Variants in CHPT1 observed in about 807,000 individuals in gnomAD.
CHPT1 encodes the protein cholinephosphotransferase 1.
Under a neutral mutation model 47.6 loss-of-function variants are expected in CHPT1, and 36 were observed. That is an observed-to-expected ratio of 0.76 (90% CI 0.58 to 1.00). The LOEUF (loss-of-function observed/expected upper bound fraction) is 1.00. CHPT1 is among the 50% of genes least tolerant of loss of function. The pLI is 0.00. For missense variants in CHPT1, 458 were observed against 498.1 expected (o/e 0.92, Z 0.77); for synonymous variants, 194 against 186.3 (o/e 1.04, Z -0.33).
intron 3 of CHPT1, 36 bp from the exon 4 acceptor site, chr12:101,716,692 C>T: frequency 1.4e-6 from 2 of 1,383,668 alleles, no homozygotes; most frequent in Non-Finnish European, 2.0e-6. Flanking sequence ...ATTTTATTTA[C>T]AAACACCTTA....
At chr12:101,701,847 T>A (rs569527126) in intron 1 of CHPT1, among the ~76,000 whole-genome samples, 1 of 152,362 alleles carries the variant, frequency 6.6e-6, no homozygotes, top group Non-Finnish European at 1.5e-5. Flanking sequence ...CACAATGTGA[T>A]GTCAAGAGAT....
chr12:101,723,332 A>G lies in CHPT1; in HGVS notation c.939+6A>G. 6.6e-7 allele frequency: 1 copy of G among 1,514,648 alleles called. No homozygotes were observed. The highest frequency in any genetic ancestry group is 9.0e-7 in the Non-Finnish European group (1 of 1,106,284). The allele number at this position is 1,514,648 out of a possible 1,614,324, so 93.8% of individuals were successfully genotyped here. A position where few individuals can be genotyped will look rare whatever the true frequency, so the allele number is the denominator to read the frequency against. ...AAGTCTCACAAAAATTAGTGGTAAGAAATTTTTATTATTCATGATATAAAT... is the reference window on the plus strand; with the variant it reads ...AAGTCTCACAAAAATTAGTGGTAAGGAATTTTTATTATTCATGATATAAAT... On this transcript the variant is annotated splice_donor_region_variant and intron_variant, in intron 6 of 8. Transcript: ENST00000229266.
intron 1 of CHPT1, among the ~76,000 whole-genome samples, chr12:101,702,163 C>T (rs1323930416): frequency 1.3e-5 from 2 of 152,216 alleles, no homozygotes; most frequent in Admixed American, 1.3e-4. Flanking sequence ...TGATTTGAAT[C>T]TAGTTCTTCT....
intron 1 of CHPT1, among the ~76,000 whole-genome samples, chr12:101,709,934 C>A (rs1310342918): frequency 6.7e-6 from 1 of 148,900 alleles, no homozygotes; most frequent in Non-Finnish European, 1.5e-5. Context: ...TAAGTGCTTG[C>A]CTTGATGTAA....
chr12:101,698,181 C>A, intron 1 of CHPT1, 47 bp downstream of exon 1: 1 of 1,378,378 alleles, frequency 7.3e-7, no homozygotes, highest in Non-Finnish European at 9.4e-7. Context: ...GCGCTGCGGG[C>A]GGGTCGCTGG....
chr12:101,706,636 G>A (rs1488868877), intron 1 of CHPT1, among the ~76,000 whole-genome samples: 1 of 152,084 alleles, frequency 6.6e-6, no homozygotes, highest in African/African-American at 2.4e-5. Context: ...GGGCTTCCCA[G>A]GCTCCAGAAC....
At chr12:101,727,289 TAA>T (rs1020676929) in intron 8 of CHPT1, 1 of 152,116 alleles carries the variant, frequency 6.6e-6, no homozygotes, top group Admixed American at 6.5e-5. Context: ...ATAAAATAAG[TAA>T]AAGTTATTCA....
rs755474481 is a variant in CHPT1, at chr12:101,714,559, G to T, written c.477G>T (p.Trp159Cys). 5.0e-6 allele frequency: 8 copies of T among 1,610,754 alleles called. No homozygotes were observed. Among genetic ancestry groups the T allele is most frequent in the South Asian group, 3.3e-5 (3 of 90,726 alleles). ...CTCGCTTAGGAACTTATCCTGACTG[G>T]TTTTTTTTCTGCTCTTTTATTGGGA... Reference protein sequence around the residue: ...IAARLGTYPDWFFFCSFIGMF... With the variant: ...IAARLGTYPDCFFFCSFIGMF... Residue 159 changes from tryptophan (W) to cysteine (C), a missense_variant, in exon 3 of 9, where the codon TGG becomes TGT. Physicochemically the swap from Trp to Cys is radical, Grantham distance 215. Transcript: ENST00000229266.
intron 1 of CHPT1, among the ~76,000 whole-genome samples, chr12:101,708,642 C>G (rs149054112): frequency 6.7e-6 from 1 of 150,004 alleles, no homozygotes; most frequent in African/African-American, 2.4e-5. Flanking sequence ...GGGTCTCACT[C>G]TGTTGCCCCA....
In CHPT1 at chr12:101,697,733, C is replaced by T. The variant is rs931328341; in HGVS notation, c.-129C>T. 109 of 227,532 alleles carry T rather than the reference C, an allele frequency of 4.8e-4. 1 individual carries two copies. Among genetic ancestry groups the T allele is most frequent in the African/African-American group, 2.3e-3 (99 of 42,834 alleles). The allele number at this position is 227,532 out of a possible 1,614,324, so 14.1% of individuals were successfully genotyped here. A position where few individuals can be genotyped will look rare whatever the true frequency, so the allele number is the denominator to read the frequency against. On this transcript the variant is annotated 5_prime_UTR_variant, in exon 1 of 9. Transcript: ENST00000229266. ...CGGCCTGACCTCGACCTCCGCCGTG[C>T]GGGCCCGACCGGTGAGTCCAGCCCG...
intron 1 of CHPT1, among the ~76,000 whole-genome samples, chr12:101,700,760 C>A (rs1951543943): frequency 6.6e-6 from 1 of 152,218 alleles, no homozygotes; most frequent in Admixed American, 6.5e-5. Context: ...CCTACAATGG[C>A]CCTCCTACCA....
intron 1 of CHPT1, among the ~76,000 whole-genome samples, chr12:101,701,502 A>C (rs1363788745): frequency 1.3e-5 from 2 of 152,232 alleles, no homozygotes. Context: ...ATCATTTTAT[A>C]GATGAGGAAA....
chr12:101,718,848 G>T (rs180742621), intron 4 of CHPT1, among the ~76,000 whole-genome samples: 30 of 151,900 alleles, frequency 2.0e-4, no homozygotes, highest in Non-Finnish European at 3.2e-4. Context: ...GCTACTATAG[G>T]CCCATACAAG....
At chr12:101,723,397 CATAAAATGT>C in intron 6 of CHPT1, 71 bp downstream of exon 6, 1 of 958,664 alleles carries the variant, frequency 1.0e-6, no homozygotes, top group Non-Finnish European at 1.5e-6. Context: ...GAAATTATTT[CATAAAATGT>C]ATAGGTTTTC....
At chr12:101,711,996 G>A (rs1341282726) in intron 1 of CHPT1, among the ~76,000 whole-genome samples, 6 of 148,196 alleles carry the variant, frequency 4.0e-5, no homozygotes, top group African/African-American at 1.2e-4. Context: ...TTTTAAGAAC[G>A]TGCTCACTGG....
intron 1 of CHPT1, among the ~76,000 whole-genome samples, chr12:101,702,422 G>A (rs2136998557): frequency 6.6e-6 from 1 of 152,246 alleles, no homozygotes; most frequent in African/African-American, 2.4e-5. Flanking sequence ...ATAAAGAGTT[G>A]AACTGAAAAG....
In CHPT1 at chr12:101,714,076, T is replaced by A; in HGVS notation, c.274-14T>A. ...ATCACTTAACAATCTTTATTTTATT[T>A]ACATTTTTTATAGGCACCATACTGG... is the stretch of plus-strand genomic sequence containing the variant. On this transcript the variant is annotated splice_polypyrimidine_tract_variant and intron_variant, in intron 1 of 8. Coordinates refer to ENST00000229266, the MANE Select transcript of CHPT1 (RefSeq NM_020244.3). The A allele has an allele frequency of 6.4e-7, 1 of 1,562,538 alleles. No individual in the cohort carries two copies. Among genetic ancestry groups the A allele is most frequent in the East Asian group, 2.3e-5 (1 of 44,236 alleles).
At chr12:101,722,515 G>A (rs930233333) in intron 5 of CHPT1, among the ~76,000 whole-genome samples, 5 of 151,852 alleles carry the variant, frequency 3.3e-5, no homozygotes, top group African/African-American at 1.2e-4. Flanking sequence ...AACATTTGCA[G>A]TCTGAATGCA....
chr12:101,723,950 C>T, intron 7 of CHPT1, 103 bp downstream of exon 7: 1 of 843,894 alleles, frequency 1.2e-6, no homozygotes, highest in Non-Finnish European at 1.8e-6. Context: ...GGCGTGGTGA[C>T]TCACGCCTGT....
Sources: gnomAD v4.1 joint callset for allele counts (sites outside exome capture counted in the v4.1 genomes callset) on GRCh38, gnomAD v4.1.1 for gene constraint, MANE v1.5 for transcripts, NCBI Gene and HGNC (gene_info 2026-07-23, HGNC 2026-07-21) for gene names.